SDK1: variants seen among roughly 807,000 people sequenced by gnomAD.
SDK1 encodes the protein sidekick cell adhesion molecule 1, also known as protein sidekick-1.
In SDK1, 157 loss-of-function variants were observed where a neutral mutation model predicts 245.5. The ratio of observed to expected loss-of-function variants is 0.64; its 90% CI spans 0.56 to 0.73. The LOEUF (loss-of-function observed/expected upper bound fraction) is 0.73. Ranked by LOEUF, SDK1 falls within the 30% of genes least tolerant of loss-of-function variation. The probability of loss-of-function intolerance (pLI) is 0.00; values close to 1 mark genes in which losing one functional copy is unlikely to be tolerated. For synonymous variants in SDK1, 1,647 were observed against 1,278.5 expected (o/e 1.29, Z -6.15); for missense variants, 3,583 against 3,002.3 (o/e 1.19, Z -4.52).
At chr7:3,437,442 C>T (rs1240290532) in intron 1 of SDK1, among the ~76,000 whole-genome samples, 1 of 152,094 alleles carries the variant, frequency 6.6e-6, no homozygotes, top group African/African-American at 2.4e-5. Flanking sequence ...AATTTACAAA[C>T]CAGTAATCCT....
intron 4 of SDK1, among the ~76,000 whole-genome samples, chr7:3,716,560 G>A (rs1323230171): frequency 6.6e-6 from 1 of 151,988 alleles, no homozygotes; most frequent in Admixed American, 6.6e-5. Flanking sequence ...AGGAATTTGA[G>A]GCCAGCCTGG....
At chr7:3,563,317 A>C (rs1395667969) in intron 1 of SDK1, among the ~76,000 whole-genome samples, 1 of 152,230 alleles carries the variant, frequency 6.6e-6, no homozygotes, top group Non-Finnish European at 1.5e-5. Flanking sequence ...CATCGTAAAG[A>C]TGTATTCTCA....
At chr7:3,434,991 C>G (rs1162040206) in intron 1 of SDK1, among the ~76,000 whole-genome samples, 1 of 152,088 alleles carries the variant, frequency 6.6e-6, no homozygotes, top group Non-Finnish European at 1.5e-5. Flanking sequence ...GAATACTTTT[C>G]CTAACTGTCA....
At chr7:3,402,715 A>G (rs1012050876) in intron 1 of SDK1, among the ~76,000 whole-genome samples, 3 of 152,096 alleles carry the variant, frequency 2.0e-5, no homozygotes, top group African/African-American at 7.2e-5. Flanking sequence ...TCCCTTAGTT[A>G]TTTGTGTAGC....
intron 1 of SDK1, among the ~76,000 whole-genome samples, chr7:3,407,125 C>T (rs532514928): frequency 2.0e-5 from 3 of 152,292 alleles, no homozygotes; most frequent in East Asian, 1.9e-4. Flanking sequence ...AGGGCTACTG[C>T]TCTGCACTAA....
intron 4 of SDK1, among the ~76,000 whole-genome samples, chr7:3,707,929 T>G (rs1037821418): frequency 6.6e-6 from 1 of 152,232 alleles, no homozygotes; most frequent in East Asian, 1.9e-4. Context: ...TCCCCTTACC[T>G]TGAGTTTTTA....
intron 2 of SDK1, among the ~76,000 whole-genome samples, chr7:3,622,861 C>T (rs1214679847): frequency 6.6e-6 from 1 of 151,902 alleles, no homozygotes; most frequent in Non-Finnish European, 1.5e-5. Context: ...GGGCCTCAGA[C>T]ACTTAGATGG....
chr7:3,616,206 A>AATCATC (rs373064095), intron 1 of SDK1, among the ~76,000 whole-genome samples: 36 of 151,896 alleles, frequency 2.4e-4, no homozygotes, highest in African/African-American at 8.2e-4. Context: ...AGTAAGAGCT[A>AATCATC]ATCATCATCA....
At chr7:3,384,169 T>C (rs898711078) in intron 1 of SDK1, among the ~76,000 whole-genome samples, 1 of 152,178 alleles carries the variant, frequency 6.6e-6, no homozygotes, top group African/African-American at 2.4e-5. Flanking sequence ...TAATATTGTA[T>C]TAAAGCTTTT....
chr7:3,771,766 A>C (rs1780411152), intron 4 of SDK1, among the ~76,000 whole-genome samples: 1 of 152,158 alleles, frequency 6.6e-6, no homozygotes, highest in Admixed American at 6.5e-5. Context: ...GATAATCAAA[A>C]ATTTACTGTC....
intron 4 of SDK1, 147 bp from the exon 5 acceptor site, chr7:3,821,303 T>C: frequency 1.2e-6 from 1 of 856,668 alleles, no homozygotes; most frequent in Non-Finnish European, 1.7e-6. Context: ...GTCGTATTCT[T>C]AAAGTCGGCC....
chr7:3,426,603 G>A (rs1262579374), intron 1 of SDK1, among the ~76,000 whole-genome samples: 1 of 152,202 alleles, frequency 6.6e-6, no homozygotes, highest in Non-Finnish European at 1.5e-5. Context: ...TATTAGCCTA[G>A]CCAGTCACCT....
intron 18 of SDK1, 99 bp from the exon 19 acceptor site, chr7:4,051,539 C>G (rs1789477777): frequency 1.9e-6 from 2 of 1,049,282 alleles, no homozygotes; most frequent in Admixed American, 2.8e-5. Flanking sequence ...TTAATTATGA[C>G]TTTACATTTT....
At chr7:4,080,161 GCAAGCCCTGCGGTGGCAGGGAGTGAGT>G (rs1360825435) in intron 22 of SDK1, among the ~76,000 whole-genome samples, 2 of 152,210 alleles carry the variant, frequency 1.3e-5, no homozygotes, top group East Asian at 3.9e-4. Context: ...AGGGAGGGGA[GCAAGCCCTGCGGTGGCAGGGAGTGAGT>G]CTGGGGAGAG....
At chr7:3,681,071 C>G (rs1784084494) in intron 4 of SDK1, among the ~76,000 whole-genome samples, 1 of 152,178 alleles carries the variant, frequency 6.6e-6, no homozygotes, top group Admixed American at 6.5e-5. Flanking sequence ...TCTCGATCTC[C>G]TGACCTTGTG....
chr7:3,650,337 C>T (rs958503276), intron 4 of SDK1, among the ~76,000 whole-genome samples: 1 of 152,174 alleles, frequency 6.6e-6, no homozygotes, highest in Non-Finnish European at 1.5e-5. Flanking sequence ...AACTCTGTAC[C>T]CGTTAAACAT....
intron 4 of SDK1, among the ~76,000 whole-genome samples, chr7:3,644,390 A>C (rs976018764): frequency 6.6e-6 from 1 of 151,862 alleles, no homozygotes; most frequent in Non-Finnish European, 1.5e-5. Flanking sequence ...ATTGATTCCA[A>C]TAATAAAAGA....
chr7:4,261,173 G>T (rs896989502), intron 44 of SDK1, among the ~76,000 whole-genome samples: 6 of 152,110 alleles, frequency 3.9e-5, no homozygotes, highest in Admixed American at 3.9e-4. Flanking sequence ...CTCTCACAGG[G>T]CTCCGGGACA....
rs78727400 is a variant in SDK1 at position 3,740,201 on chromosome 7, C to T, written c.714-81249C>T. Among the ~76,000 whole-genome samples the T allele has an allele frequency of 3.6e-3, 543 of 152,182 alleles. 4 individuals carry two copies. The highest frequency in any genetic ancestry group is 0.017 in the South Asian group (82 of 4,818). On this transcript the variant is annotated intron_variant, in intron 4 of 44. Transcript: ENST00000404826. ...TCAGTCAGAGGTGACGTACACTGTA[C>T]GTCAAATTGTATGTCAGTCTGTCAT...
Sources: allele counts gnomAD v4.1 joint callset (sites outside exome capture counted in the v4.1 genomes callset), GRCh38; gene constraint gnomAD v4.1.1; transcripts MANE v1.5; gene names NCBI Gene and HGNC (gene_info 2026-07-23, HGNC 2026-07-21).